The following PTPRZ1 variants were observed in gnomAD, a reference collection of about 807,000 sequenced individuals.
The protein encoded by PTPRZ1 is receptor-type tyrosine-protein phosphatase zeta.
A neutral mutation model predicts 214.1 loss-of-function variants in PTPRZ1; 82 were observed. The observed-to-expected ratio is 0.38, with a 90% CI of 0.32 to 0.46. The LOEUF (loss-of-function observed/expected upper bound fraction) is 0.46. Ranked by LOEUF, PTPRZ1 falls within the 20% of genes least tolerant of loss-of-function variation. PTPRZ1 has a pLI of 1.00. For synonymous variants in PTPRZ1, 945 were observed against 987.9 expected (o/e 0.96, Z 0.81); for missense variants, 2,603 against 2,748.7 (o/e 0.95, Z 1.19).
intron 1 of PTPRZ1, among the ~76,000 whole-genome samples, chr7:121,876,327 T>C (rs1441286948): frequency 1.3e-5 from 2 of 152,320 alleles, no homozygotes; most frequent in Admixed American, 6.5e-5. Flanking sequence ...TTTTAAGGAA[T>C]AATTTCTTCC....
In PTPRZ1 at chr7:122,013,311, A is replaced by G. The variant is rs1378362367; in HGVS notation, c.4265A>G (p.Asp1422Gly). The G allele has an allele frequency of 1.9e-6, 3 of 1,585,794 alleles. No homozygotes were observed. Among genetic ancestry groups the G allele is most frequent in the Admixed American group, 1.7e-5 (1 of 57,188 alleles). ...LVGGGEDGDTDDDGDDDDDDR... is the reference protein window; with the variant it reads ...LVGGGEDGDTGDDGDDDDDDR... Reference sequence around the variant, plus strand: ...GGTGGTGGTGAAGATGGTGACACTGATGATGATGGTGATGATGATGATGAT... The same window carrying G: ...GGTGGTGGTGAAGATGGTGACACTGGTGATGATGGTGATGATGATGATGAT... Residue 1422 changes from aspartate (D) to glycine (G), a missense_variant, in exon 12 of 30, where the codon GAT becomes GGT. This residue lies in a region of PTPRZ1 where 1,913 missense variants were observed against 1,914.3 expected (regional missense o/e 1.00). Transcript: ENST00000393386.
At chr7:122,015,927 A>G (rs1332209042) in intron 12 of PTPRZ1, among the ~76,000 whole-genome samples, 1 of 152,076 alleles carries the variant, frequency 6.6e-6, no homozygotes, top group East Asian at 1.9e-4. Flanking sequence ...TTAAAACTGT[A>G]TCTATAAAAT....
chr7:122,058,846 C>T lies in PTPRZ1; in HGVS notation c.6575C>T (p.Pro2192Leu). 1.2e-6 allele frequency: 2 copies of T among 1,602,650 alleles called. No individual in the cohort carries two copies. The highest frequency in any genetic ancestry group is 1.1e-5 in the South Asian group (1 of 90,760). The change falls in exon 28 of 30, where the codon CCA becomes CTA. Residue 2192 changes from proline to leucine, a missense_variant. Around this residue, in one of 6 missense-constraint regions of PTPRZ1, gnomAD observed 165 missense variants for 151.4 expected, o/e 1.09. Transcript: ENST00000393386. ...AGGCACTTTCAGTGTCCTAAATGGC[C>T]AAATCCAGATAGCCCCATTAGTAAA... ...EVRHFQCPKW[P>L]NPDSPISKTF... is the part of the protein sequence containing the mutation.
intron 1 of PTPRZ1, among the ~76,000 whole-genome samples, chr7:121,914,374 G>A (rs1172673707): frequency 3.3e-5 from 5 of 152,142 alleles, no homozygotes; most frequent in Non-Finnish European, 7.4e-5. Flanking sequence ...TTACAAAGGT[G>A]CATATTGTTT....
At chr7:121,983,549 A>G in intron 6 of PTPRZ1, 116 bp from the exon 7 acceptor site, 1 of 1,049,778 alleles carries the variant, frequency 9.5e-7, no homozygotes, top group Non-Finnish European at 1.4e-6. Flanking sequence ...AAATGTTTCA[A>G]AATCTCAGTT....
chr7:122,006,168 T>A (rs186186982), intron 11 of PTPRZ1, among the ~76,000 whole-genome samples: 3 of 152,260 alleles, frequency 2.0e-5, no homozygotes, highest in Admixed American at 6.5e-5. Context: ...TACTTCTACA[T>A]ATTTATGAGG....
chr7:122,010,628 C>T lies in PTPRZ1; in HGVS notation c.1582C>T (p.Pro528Ser), dbSNP rs1798622476. ...LTSQTVTELP[P>S]HTVEGTSASL... ...TTCTCAGACTGTGACTGAACTGCCA[C>T]CTCACACTGTGGAAGGTACTTCAGC... The change falls in exon 12 of 30, where the codon CCT (proline) becomes TCT (serine). Residue 528 changes from proline to serine, a missense_variant. Pro to Ser is a moderately conservative substitution (Grantham distance 74). This residue lies in a region of PTPRZ1 where 1,913 missense variants were observed against 1,914.3 expected (regional missense o/e 1.00). Coordinates refer to ENST00000393386, the MANE Select transcript of PTPRZ1 (RefSeq NM_002851.3). 1.5e-5 allele frequency: 24 copies of T among 1,613,626 alleles called. No individual in the cohort carries two copies. Among genetic ancestry groups the T allele is most frequent in the Non-Finnish European group, 2.0e-5 (24 of 1,179,512 alleles).
chr7:121,876,109 A>G (rs1271963044), intron 1 of PTPRZ1, among the ~76,000 whole-genome samples: 2 of 152,236 alleles, frequency 1.3e-5, no homozygotes, highest in Non-Finnish European at 2.9e-5. Context: ...TTTTGTATCT[A>G]AAATGTCCTG....
chr7:121,873,655 T>C (rs1793956716), intron 1 of PTPRZ1, 98 bp downstream of exon 1: 2 of 1,439,826 alleles, frequency 1.4e-6, no homozygotes, highest in Admixed American at 1.8e-5. Flanking sequence ...GCCGCCGCCA[T>C]CTAGCCAGGA....
chr7:121,883,143 T>G, intron 1 of PTPRZ1, among the ~76,000 whole-genome samples: 1 of 152,222 alleles, frequency 6.6e-6, no homozygotes, highest in East Asian at 1.9e-4. Flanking sequence ...CTCTTAAATT[T>G]GTTAAGACAA....
chr7:121,917,981 A>T (rs1296522850), intron 1 of PTPRZ1, among the ~76,000 whole-genome samples: 3 of 152,264 alleles, frequency 2.0e-5, no homozygotes, highest in East Asian at 3.9e-4. Flanking sequence ...TCCATTGAAA[A>T]ATTATCAATT....
intron 17 of PTPRZ1, among the ~76,000 whole-genome samples, chr7:122,035,447 A>G (rs1241617742): frequency 6.6e-6 from 1 of 152,228 alleles, no homozygotes; most frequent in Non-Finnish European, 1.5e-5. Context: ...GCATCAGGTA[A>G]TTAAGAAGGA....
At chr7:122,032,197 A>T (rs956187383) in intron 15 of PTPRZ1, 5 of 152,182 alleles carry the variant, frequency 3.3e-5, no homozygotes, top group African/African-American at 1.2e-4. Context: ...AGCTGTAAGC[A>T]CAAAGGTAAC....
At chr7:121,881,705 TG>T (rs1562998705) in intron 1 of PTPRZ1, among the ~76,000 whole-genome samples, 1 of 152,200 alleles carries the variant, frequency 6.6e-6, no homozygotes, top group African/African-American at 2.4e-5. Context: ...CTATGGTGAT[TG>T]ACCTCATAGT....
chr7:121,976,076 T>C, intron 4 of PTPRZ1, 97 bp from the exon 5 acceptor site: 1 of 750,694 alleles, frequency 1.3e-6, no homozygotes, highest in South Asian at 2.1e-5. Context: ...ACATGTAATT[T>C]ATAAAAGATT....
chr7:121,934,487 CAAAAAAAA>C (rs529475632), intron 2 of PTPRZ1, among the ~76,000 whole-genome samples: 3 of 77,052 alleles, frequency 3.9e-5, no homozygotes, highest in East Asian at 3.9e-4. Flanking sequence ...GACTCCGTCT[CAAAAAAAA>C]AAAAAAAAAA....
chr7:122,037,838 C>A (rs1372459784), intron 18 of PTPRZ1, among the ~76,000 whole-genome samples: 1 of 152,132 alleles, frequency 6.6e-6, no homozygotes, highest in Non-Finnish European at 1.5e-5. Context: ...GTTGATGCTT[C>A]CATTTTGCAT....
chr7:121,952,094 G>T (rs1796563094), intron 2 of PTPRZ1, among the ~76,000 whole-genome samples: 1 of 151,900 alleles, frequency 6.6e-6, no homozygotes, highest in Non-Finnish European at 1.5e-5. Context: ...GAGTAGCTGG[G>T]ACTACAGGCG....
intron 10 of PTPRZ1, among the ~76,000 whole-genome samples, chr7:122,000,842 A>C (rs1285317681): frequency 2.0e-5 from 3 of 150,982 alleles, no homozygotes; most frequent in African/African-American, 7.3e-5. Context: ...ATGCGCCACC[A>C]CACCCAGCTA....
Sources: allele counts gnomAD v4.1 joint callset (sites outside exome capture counted in the v4.1 genomes callset), GRCh38; gene constraint gnomAD v4.1.1; regional missense constraint gnomAD v4.1.1; transcripts MANE v1.5; gene names NCBI Gene and HGNC (gene_info 2026-07-23, HGNC 2026-07-21).